Variants in TMEM132D observed in about 807,000 individuals in gnomAD.
The protein encoded by TMEM132D is mature OL transmembrane protein.
TMEM132D carries 21 observed loss-of-function variants against 62.3 expected under a neutral mutation model. The ratio of observed to expected loss-of-function variants is 0.34; its 90% CI spans 0.24 to 0.49. The LOEUF is 0.49. TMEM132D is among the 20% of genes least tolerant of loss of function. The probability of loss-of-function intolerance (pLI) is 0.99; values close to 1 mark genes in which losing one functional copy is unlikely to be tolerated. For missense variants in TMEM132D, 1,346 were observed against 1,402.8 expected (o/e 0.96, Z 0.65); for synonymous variants, 621 against 575.6 (o/e 1.08, Z -1.13).
At chr12:129,850,171 CCT>C (rs1235216475) in intron 1 of TMEM132D, among the ~76,000 whole-genome samples, 3 of 152,294 alleles carry the variant, frequency 2.0e-5, no homozygotes, top group Admixed American at 1.3e-4. Context: ...CTCTCTCTCT[CCT>C]CTCTGTCTCC....
chr12:129,176,610 C>T lies in TMEM132D; in HGVS notation c.1443+32910G>A, dbSNP rs575021561. Among the ~76,000 whole-genome samples the T allele has an allele frequency of 2.0e-5, 3 of 152,344 alleles. No homozygotes were observed. The South Asian group carries it at 6.2e-4, about 32-fold the overall frequency. On this transcript the variant is annotated intron_variant, in intron 5 of 8. Coordinates refer to ENST00000422113, the MANE Select transcript of TMEM132D (RefSeq NM_133448.3). ...TCCTCCCCAAATTGCTTTGATGGCT[C>T]TCGCTACCACACAACACTGCAGAGA...
intron 2 of TMEM132D, among the ~76,000 whole-genome samples, chr12:129,691,344 C>A (rs1881056209): frequency 6.6e-6 from 1 of 151,526 alleles, no homozygotes; most frequent in Non-Finnish European, 1.5e-5. Flanking sequence ...AGAAAAAAAT[C>A]AATGAAATTG....
At position 129,665,898 on chromosome 12, in the gene TMEM132D, A is replaced by G. The variant is rs140180901; in HGVS notation, c.968+33912T>C. 4.9e-3 allele frequency among the ~76,000 whole-genome samples: 741 copies of G among 152,268 alleles called. 4 individuals carry two copies. The highest frequency in any genetic ancestry group is 0.017 in the African/African-American group (698 of 41,556). On this transcript the variant is annotated intron_variant, in intron 2 of 8. Coordinates refer to ENST00000422113, the MANE Select transcript of TMEM132D (RefSeq NM_133448.3). Reference sequence around the variant, plus strand: ...AACTGACATTTTATAGCTTTTTTTCAGTAATTGAGAATTACCTAGTTTACA... The same window carrying G: ...AACTGACATTTTATAGCTTTTTTTCGGTAATTGAGAATTACCTAGTTTACA...
At chr12:129,759,023 T>TC (rs894910116) in intron 1 of TMEM132D, among the ~76,000 whole-genome samples, 1 of 151,682 alleles carries the variant, frequency 6.6e-6, no homozygotes, top group African/African-American at 2.4e-5. Flanking sequence ...AACCTCTGCC[T>TC]CCCAGGTTCA....
chr12:129,462,151 G>C (rs1309598051), intron 3 of TMEM132D, among the ~76,000 whole-genome samples: 1 of 152,108 alleles, frequency 6.6e-6, no homozygotes, highest in Non-Finnish European at 1.5e-5. Flanking sequence ...GAGAAGGGGA[G>C]AAATAAACAA....
intron 2 of TMEM132D, among the ~76,000 whole-genome samples, chr12:129,686,220 A>G (rs983706630): frequency 2.6e-5 from 4 of 152,074 alleles, no homozygotes; most frequent in African/African-American, 9.7e-5. Flanking sequence ...CTGTGTCCCC[A>G]CCCAAATCTG....
At chr12:129,152,061 G>A (rs953336425) in intron 5 of TMEM132D, among the ~76,000 whole-genome samples, 5 of 152,094 alleles carry the variant, frequency 3.3e-5, no homozygotes, top group East Asian at 3.9e-4. Context: ...TAATTTTGGC[G>A]GAGATGGGGT....
intron 3 of TMEM132D, among the ~76,000 whole-genome samples, chr12:129,339,707 A>G (rs114120665): frequency 0.018 from 2,801 of 152,272 alleles, 83 homozygotes; most frequent in African/African-American, 0.061. Flanking sequence ...TTCGAACTTG[A>G]CAAGAATTTT....
intron 4 of TMEM132D, among the ~76,000 whole-genome samples, chr12:129,226,508 G>A (rs112343196): frequency 2.6e-5 from 4 of 152,312 alleles, no homozygotes; most frequent in Non-Finnish European, 2.9e-5. Context: ...GTCAAACTCC[G>A]GTTCTAACCC....
At chr12:129,896,885 A>G (rs1875157002) in intron 1 of TMEM132D, among the ~76,000 whole-genome samples, 1 of 152,166 alleles carries the variant, frequency 6.6e-6, no homozygotes, top group Non-Finnish European at 1.5e-5. Flanking sequence ...TTTTACCTTT[A>G]TAACTGTTGA....
intron 3 of TMEM132D, among the ~76,000 whole-genome samples, chr12:129,398,323 ATGGT>A (rs1384157884): frequency 2.0e-5 from 3 of 152,138 alleles, no homozygotes; most frequent in Non-Finnish European, 4.4e-5. Flanking sequence ...TTGTCACTTC[ATGGT>A]TGCAAGATGG....
At chr12:129,806,649 T>C (rs1220278666) in intron 1 of TMEM132D, among the ~76,000 whole-genome samples, 27 of 149,072 alleles carry the variant, frequency 1.8e-4, no homozygotes, top group South Asian at 4.3e-4. Context: ...CATATGTAAC[T>C]AACCTGCACA....
intron 2 of TMEM132D, among the ~76,000 whole-genome samples, chr12:129,578,538 T>C (rs1281983928): frequency 6.6e-6 from 1 of 151,822 alleles, no homozygotes; most frequent in African/African-American, 2.4e-5. Flanking sequence ...TACACATATA[T>C]GTGTACGTAT....
chr12:129,510,979 T>C (rs1875480856), intron 3 of TMEM132D, among the ~76,000 whole-genome samples: 1 of 152,220 alleles, frequency 6.6e-6, no homozygotes, highest in African/African-American at 2.4e-5. Context: ...AGTTAAGTAA[T>C]GTGATTCCTC....
intron 4 of TMEM132D, among the ~76,000 whole-genome samples, chr12:129,236,165 AGAG>A (rs1414840100): frequency 6.6e-6 from 1 of 151,302 alleles, no homozygotes; most frequent in African/African-American, 2.4e-5. Flanking sequence ...TGAGAGAGAG[AGAG>A]AGAGAGAGAG....
chr12:129,452,124 T>G (rs67186152), intron 3 of TMEM132D, among the ~76,000 whole-genome samples: 115 of 152,128 alleles, frequency 7.6e-4, no homozygotes, highest in Non-Finnish European at 1.2e-3. Context: ...GCAGGAATCA[T>G]GATAGATGAT....
intron 4 of TMEM132D, among the ~76,000 whole-genome samples, chr12:129,305,674 C>A (rs1881831576): frequency 6.6e-6 from 1 of 152,098 alleles, no homozygotes; most frequent in Non-Finnish European, 1.5e-5. Flanking sequence ...CTTGACTGCC[C>A]AGGTTAGGAT....
chr12:129,115,354 G>A (rs1269726966), intron 5 of TMEM132D, among the ~76,000 whole-genome samples: 1 of 152,164 alleles, frequency 6.6e-6, no homozygotes, highest in Non-Finnish European at 1.5e-5. Flanking sequence ...GAACTTGGAA[G>A]GATGGGAGAG....
At chr12:129,586,225 T>C (rs2137130898) in intron 2 of TMEM132D, among the ~76,000 whole-genome samples, 1 of 152,278 alleles carries the variant, frequency 6.6e-6, no homozygotes, top group South Asian at 2.1e-4. Flanking sequence ...ATGGGAATCA[T>C]GTAAGCCTCC....
Sources: gnomAD v4.1 joint callset for allele counts (sites outside exome capture counted in the v4.1 genomes callset) on GRCh38, gnomAD v4.1.1 for gene constraint, MANE v1.5 for transcripts, NCBI Gene and HGNC (gene_info 2026-07-23, HGNC 2026-07-21) for gene names.